FMNL2: variants seen among roughly 807,000 people sequenced by gnomAD.
The protein encoded by FMNL2 is formin like 2, also known as formin-like protein 2.
A neutral mutation model predicts 130.2 loss-of-function variants in FMNL2; 51 were observed. The ratio of observed to expected loss-of-function variants is 0.39; its 90% CI spans 0.31 to 0.49. The LOEUF (loss-of-function observed/expected upper bound fraction) is 0.49, where lower values mean the gene tolerates loss of function less well. Among genes scored for constraint, FMNL2 ranks in the 20% least tolerant of loss-of-function variants. The pLI, the probability that FMNL2 is intolerant of heterozygous loss-of-function variation, is 0.85. For synonymous variants in FMNL2, 465 were observed against 467.1 expected, an observed-to-expected ratio of 1.00 and a Z score of 0.06; for missense variants, 977 against 1,316.2, an observed-to-expected ratio of 0.74 and a Z score of 3.99.
chr2:152,426,517 T>C, intron 1 of FMNL2, among the ~76,000 whole-genome samples: 1 of 152,228 alleles, frequency 6.6e-6, no homozygotes, highest in East Asian at 1.9e-4. Context: ...CATCTCACTT[T>C]GTCACGTCAC....
intron 2 of FMNL2, among the ~76,000 whole-genome samples, chr2:152,527,618 G>A (rs958331445): frequency 2.6e-5 from 4 of 151,996 alleles, no homozygotes; most frequent in Admixed American, 2.6e-4. Context: ...TACCTCATAA[G>A]ATGACCAGTG....
chr2:152,464,089 T>C (rs113696750), intron 1 of FMNL2, among the ~76,000 whole-genome samples: 13,154 of 152,184 alleles, frequency 0.086, 855 homozygotes, highest in Admixed American at 0.22. Flanking sequence ...TATGCAACGA[T>C]GCCTGGCTAA....
chr2:152,374,758 A>G lies in FMNL2; in HGVS notation c.117+39038A>G, dbSNP rs190014046. 2.0e-5 allele frequency among the ~76,000 whole-genome samples: 3 copies of G among 152,328 alleles called. No individual in the cohort carries two copies. The East Asian group carries it at 5.8e-4, about 29-fold the overall frequency. On this transcript the variant is annotated intron_variant, in intron 1 of 25. Transcript: ENST00000288670. Reference sequence around the variant, plus strand: ...ATTTAGATGAGGCCAACTGGCTGCTAGATCATCGTCTAATGGGCCTGTGAT... The same window carrying G: ...ATTTAGATGAGGCCAACTGGCTGCTGGATCATCGTCTAATGGGCCTGTGAT...
chr2:152,624,178 A>G (rs1446376087), intron 15 of FMNL2, among the ~76,000 whole-genome samples: 6 of 146,776 alleles, frequency 4.1e-5, no homozygotes, highest in Non-Finnish European at 7.5e-5. Context: ...CTTTTTTGAG[A>G]TGGAGTTTCG....
At chr2:152,561,176 C>CA in intron 6 of FMNL2, 141 bp downstream of exon 6, 1 of 873,986 alleles carries the variant, frequency 1.1e-6, no homozygotes, top group Non-Finnish European at 1.7e-6. Context: ...ATGAATGTTT[C>CA]TTTAGGAGTT....
At chr2:152,446,820 A>G (rs997829665) in intron 1 of FMNL2, among the ~76,000 whole-genome samples, 3 of 152,208 alleles carry the variant, frequency 2.0e-5, no homozygotes, top group African/African-American at 7.2e-5. Context: ...ATACCATTAT[A>G]GATATCTCTT....
At chr2:152,396,733 G>A (rs1443989284) in intron 1 of FMNL2, among the ~76,000 whole-genome samples, 4 of 152,128 alleles carry the variant, frequency 2.6e-5, no homozygotes, top group Non-Finnish European at 5.9e-5. Context: ...TTTAAATTAA[G>A]TGGGAAATTA....
At chr2:152,455,429 C>T (rs1461604359) in intron 1 of FMNL2, among the ~76,000 whole-genome samples, 1 of 152,132 alleles carries the variant, frequency 6.6e-6, no homozygotes, top group Non-Finnish European at 1.5e-5. Context: ...GAGGAAAGTT[C>T]CAGCCAGCAC....
At chr2:152,444,158 G>A (rs1413570606) in intron 1 of FMNL2, among the ~76,000 whole-genome samples, 2 of 152,180 alleles carry the variant, frequency 1.3e-5, no homozygotes, top group Non-Finnish European at 2.9e-5. Flanking sequence ...GAGGGCAGCC[G>A]AGTAGAGGGT....
intron 1 of FMNL2, among the ~76,000 whole-genome samples, chr2:152,381,655 G>A (rs1271094763): frequency 1.3e-5 from 2 of 152,212 alleles, no homozygotes; most frequent in East Asian, 3.8e-4. Flanking sequence ...CAGGGAAATA[G>A]AGAATTGTTC....
At chr2:152,599,437 T>TTTA (rs1553484499) in intron 9 of FMNL2, among the ~76,000 whole-genome samples, 57 of 132,292 alleles carry the variant, frequency 4.3e-4, no homozygotes, top group Admixed American at 6.6e-4. Context: ...TTTTTTTTTT[T>TTTA]AGAGAGGTAG....
At chr2:152,385,613 A>G (rs1161347413) in intron 1 of FMNL2, among the ~76,000 whole-genome samples, 1 of 152,200 alleles carries the variant, frequency 6.6e-6, no homozygotes, top group Non-Finnish European at 1.5e-5. Context: ...TTGGCTGAGA[A>G]AAGGTAAGAT....
chr2:152,622,210 C>T lies in FMNL2; in HGVS notation c.1837+2492C>T, dbSNP rs138536944. On this transcript the variant is annotated intron_variant, in intron 15 of 25. Transcript: ENST00000288670. ...AGGATGTGCTCGGATCCTCACAATG[C>T]GAATTTGGACTTTGGTTGATTGTTT... 5.6e-3 allele frequency among the ~76,000 whole-genome samples: 856 copies of T among 152,176 alleles called. 9 individuals are homozygous for T. Among genetic ancestry groups the T allele is most frequent in the African/African-American group, 0.02 (810 of 41,526 alleles).
intron 25 of FMNL2, among the ~76,000 whole-genome samples, chr2:152,644,837 A>G (rs9679683): frequency 6.8e-4 from 103 of 152,174 alleles, no homozygotes; most frequent in Middle Eastern, 3.4e-3. Flanking sequence ...ATTGGGGGGG[A>G]AAAAAGGGTC....
chr2:152,345,885 A>G (rs973550493), intron 1 of FMNL2, among the ~76,000 whole-genome samples: 5 of 152,112 alleles, frequency 3.3e-5, no homozygotes, highest in Admixed American at 6.5e-5. Context: ...TTTATAGCAG[A>G]ATGTTTGGTT....
chr2:152,497,249 A>G (rs920345834), intron 1 of FMNL2, among the ~76,000 whole-genome samples: 2 of 152,218 alleles, frequency 1.3e-5, no homozygotes, highest in East Asian at 1.9e-4. Flanking sequence ...CACACATAGT[A>G]GTTTTCAGAA....
Position 152,622,615 on chromosome 2 carries a change from C to T in FMNL2, c.1838-2823C>T, listed in dbSNP as rs150913921. 1.5e-4 allele frequency: 69 copies of T among 456,580 alleles called. No individual in the cohort carries two copies. The Middle Eastern group carries it at 2.6e-3, about 17-fold the overall frequency. 28.3% of individuals were successfully genotyped at this position (456,580 alleles called of 1,614,324 possible). ...TTGCCATGTGTTTCTGTTGGTCACACTGTGCCTTGACATCTTTCCACTCCA... is the reference window on the plus strand; with the variant it reads ...TTGCCATGTGTTTCTGTTGGTCACATTGTGCCTTGACATCTTTCCACTCCA... On this transcript the variant is annotated intron_variant, in intron 15 of 25. Transcript: ENST00000288670.
intron 9 of FMNL2, among the ~76,000 whole-genome samples, chr2:152,590,010 CAT>C (rs1697337045): frequency 6.6e-5 from 3 of 45,234 alleles, no homozygotes; most frequent in South Asian, 1.4e-3. Context: ...TATATATATA[CAT>C]ATACATATAT....
intron 1 of FMNL2, among the ~76,000 whole-genome samples, chr2:152,483,999 T>A (rs1171126009): frequency 6.6e-6 from 1 of 152,210 alleles, no homozygotes; most frequent in Non-Finnish European, 1.5e-5. Flanking sequence ...CATTAGTGCT[T>A]AATGTATGCT....
Sources: allele counts gnomAD v4.1 joint callset (sites outside exome capture counted in the v4.1 genomes callset), GRCh38; gene constraint gnomAD v4.1.1; transcripts MANE v1.5; gene names NCBI Gene and HGNC (gene_info 2026-07-23, HGNC 2026-07-21).